TTLL5: variants seen among roughly 807,000 people sequenced by gnomAD.
TTLL5 encodes tubulin tyrosine ligase like 5.
TTLL5 carries 132 observed loss-of-function variants against 168.4 expected under a neutral mutation model. The observed-to-expected ratio is 0.78, with a 90% confidence interval of 0.68 to 0.91. The LOEUF (loss-of-function observed/expected upper bound fraction) is 0.91, where lower values mean the gene tolerates loss of function less well. TTLL5 is among the 40% of genes least tolerant of loss of function. The pLI is 0.00. For missense variants in TTLL5, 1,545 were observed against 1,581.5 expected, an observed-to-expected ratio of 0.98 and a Z score of 0.39; for synonymous variants, 546 against 558.6, an observed-to-expected ratio of 0.98 and a Z score of 0.32.
intron 15 of TTLL5, among the ~76,000 whole-genome samples, chr14:75,741,801 G>C (rs1889291200): frequency 6.6e-6 from 1 of 152,088 alleles, no homozygotes; most frequent in Non-Finnish European, 1.5e-5. Context: ...ACAGTAGCTA[G>C]ACCTAGAATT....
At chr14:75,886,997 C>T in intron 30 of TTLL5, 1 of 1,390,128 alleles carries the variant, frequency 7.2e-7, no homozygotes, top group South Asian at 1.7e-5. Context: ...GAAACACAGA[C>T]TGAACTGCAG....
chr14:75,948,152 C>T (rs887649548), intron 31 of TTLL5, among the ~76,000 whole-genome samples: 3 of 110,702 alleles, frequency 2.7e-5, no homozygotes, highest in Non-Finnish European at 3.8e-5. Flanking sequence ...TGGAAAAGTC[C>T]TCATATTTTT....
In TTLL5 at chr14:75,954,417, T is replaced by G. The variant is rs2035054244; in HGVS notation, c.3824-7T>G. 2 of 1,614,040 alleles carry G rather than the reference T, an allele frequency of 1.2e-6. No individual in the cohort carries two copies. The highest frequency in any genetic ancestry group is 2.7e-5 in the African/African-American group (2 of 75,028). On this transcript the variant is annotated splice_polypyrimidine_tract_variant and splice_region_variant and intron_variant, in intron 31 of 31. Transcript: ENST00000298832. ...ATTCATTTCATGGTTGCCTTTCTCTTTTTCAGATCCTGCTCACACTAAAAT... is the reference window on the plus strand; with the variant it reads ...ATTCATTTCATGGTTGCCTTTCTCTGTTTCAGATCCTGCTCACACTAAAAT...
chr14:75,894,596 A>G (rs1180951972), intron 30 of TTLL5, among the ~76,000 whole-genome samples: 2 of 152,126 alleles, frequency 1.3e-5, no homozygotes, highest in Non-Finnish European at 2.9e-5. Context: ...GAAAACAAAA[A>G]CTAAGATAGT....
intron 27 of TTLL5, 75 bp downstream of exon 27, chr14:75,793,175 C>T (rs1892818636): frequency 7.3e-7 from 1 of 1,365,292 alleles, no homozygotes; most frequent in Non-Finnish European, 9.7e-7. Context: ...TTTGTCTTTC[C>T]CTGTCTTTAC....
intron 29 of TTLL5, among the ~76,000 whole-genome samples, chr14:75,873,216 G>T (rs1054181323): frequency 6.6e-6 from 1 of 151,868 alleles, no homozygotes; most frequent in Non-Finnish European, 1.5e-5. Flanking sequence ...TGGGACTACA[G>T]GTGCCCACCA....
intron 29 of TTLL5, among the ~76,000 whole-genome samples, chr14:75,866,238 C>T (rs1443066787): frequency 6.6e-6 from 1 of 152,194 alleles, no homozygotes; most frequent in Non-Finnish European, 1.5e-5. Context: ...TGTGCTAGAT[C>T]TGACCATTAT....
At chr14:75,847,256 G>A (rs1896597504) in intron 28 of TTLL5, among the ~76,000 whole-genome samples, 1 of 151,990 alleles carries the variant, frequency 6.6e-6, no homozygotes, top group African/African-American at 2.4e-5. Context: ...ACCCACCTCG[G>A]CCTTCCAAAG....
intron 27 of TTLL5, among the ~76,000 whole-genome samples, chr14:75,793,606 G>T (rs1202242650): frequency 1.3e-5 from 2 of 152,116 alleles, no homozygotes; most frequent in Admixed American, 6.5e-5. Context: ...TACAGATGGG[G>T]GAACCTGAGG....
chr14:75,920,493 T>A (rs1832982080), intron 31 of TTLL5, among the ~76,000 whole-genome samples: 1 of 152,138 alleles, frequency 6.6e-6, no homozygotes, highest in Non-Finnish European at 1.5e-5. Flanking sequence ...AATGAGAACA[T>A]GCGGTGTTTG....
At chr14:75,825,666 TG>T (rs1217502800) in intron 28 of TTLL5, among the ~76,000 whole-genome samples, 1 of 151,882 alleles carries the variant, frequency 6.6e-6, no homozygotes, top group Admixed American at 6.6e-5. Context: ...CTACTTTTTG[TG>T]GGGGGGACTA....
At chr14:75,859,310 T>A (rs117572637) in intron 28 of TTLL5, among the ~76,000 whole-genome samples, 93 of 152,344 alleles carry the variant, frequency 6.1e-4, no homozygotes, top group Non-Finnish European at 1.1e-3. Flanking sequence ...GAAGGGCAGT[T>A]GTAGAGAAAA....
At chr14:75,811,177 G>GTGTGTA (rs1566614330) in intron 27 of TTLL5, among the ~76,000 whole-genome samples, 1 of 121,436 alleles carries the variant, frequency 8.2e-6, no homozygotes, top group Non-Finnish European at 1.9e-5. Context: ...GTGTGTGTGT[G>GTGTGTA]TGTGTGTGTG....
At chr14:75,910,115 G>T (rs1185772511) in intron 31 of TTLL5, among the ~76,000 whole-genome samples, 1 of 152,196 alleles carries the variant, frequency 6.6e-6, no homozygotes, top group Non-Finnish European at 1.5e-5. Context: ...TATGGAGGAA[G>T]ATAACATCTG....
chr14:75,788,199 T>C (rs987051066), intron 26 of TTLL5, among the ~76,000 whole-genome samples: 6 of 152,118 alleles, frequency 3.9e-5, no homozygotes, highest in African/African-American at 1.4e-4. Flanking sequence ...ATTAATGTGC[T>C]AAATGTCTGG....
chr14:75,756,684 T>C (rs886202305), intron 18 of TTLL5, among the ~76,000 whole-genome samples: 8 of 151,828 alleles, frequency 5.3e-5, no homozygotes, highest in Non-Finnish European at 1.0e-4. Flanking sequence ...ATTTTTGTAT[T>C]TTGTAGTAGA....
intron 31 of TTLL5, among the ~76,000 whole-genome samples, chr14:75,917,027 G>A (rs898018325): frequency 6.6e-6 from 1 of 152,178 alleles, no homozygotes; most frequent in Non-Finnish European, 1.5e-5. Context: ...GCAGGGGGTG[G>A]GGAGAGAGGG....
chr14:75,869,627 G>A (rs2030844634), intron 29 of TTLL5, among the ~76,000 whole-genome samples: 1 of 152,006 alleles, frequency 6.6e-6, no homozygotes, highest in Admixed American at 6.6e-5. Context: ...GTATCAGTTA[G>A]ATAACTTTCT....
intron 12 of TTLL5, among the ~76,000 whole-genome samples, chr14:75,730,597 T>C (rs1254861270): frequency 6.6e-6 from 1 of 152,114 alleles, no homozygotes; most frequent in African/African-American, 2.4e-5. Flanking sequence ...TATCTGTAAA[T>C]AGCATCCAGA....
Sources: gnomAD v4.1 joint callset for allele counts (sites outside exome capture counted in the v4.1 genomes callset) on GRCh38, gnomAD v4.1.1 for gene constraint, MANE v1.5 for transcripts, NCBI Gene and HGNC (gene_info 2026-07-23, HGNC 2026-07-21) for gene names.